THSD4: variants seen among roughly 807,000 people sequenced by gnomAD.
The protein encoded by THSD4 is thrombospondin type-1 domain-containing protein 4.
THSD4 carries 69 observed loss-of-function variants against 119.0 expected under a neutral mutation model. The observed-to-expected ratio is 0.58, with a 90% CI of 0.48 to 0.71. The LOEUF (loss-of-function observed/expected upper bound fraction) is 0.71. Among genes scored for constraint, THSD4 ranks in the 30% least tolerant of loss-of-function variants. THSD4 has a pLI of 0.00. For synonymous variants in THSD4, 524 were observed against 540.4 expected, an observed-to-expected ratio of 0.97 and a Z score of 0.42; for missense variants, 1,393 against 1,391.1, an observed-to-expected ratio of 1.00 and a Z score of -0.02.
chr15:71,728,304 C>T (rs961315838), intron 8 of THSD4, among the ~76,000 whole-genome samples: 3 of 152,168 alleles, frequency 2.0e-5, no homozygotes, highest in East Asian at 1.9e-4. Context: ...AACCAGCCCC[C>T]ACCCTACATT....
At position 71,719,719 on chromosome 15, in the gene THSD4, G is replaced by A. The variant is rs141481566; in HGVS notation, c.1358-8830G>A. 3.7e-3 allele frequency among the ~76,000 whole-genome samples: 558 copies of A among 152,190 alleles called. 14 individuals carry two copies. The highest frequency in any genetic ancestry group is 0.031 in the Admixed American group (478 of 15,286). On this transcript the variant is annotated intron_variant, in intron 8 of 17. Coordinates refer to ENST00000261862, the MANE Select transcript of THSD4 (RefSeq NM_024817.3). ...GAGACAAGGTCTCACTCCGTCTCCC[G>A]GGCTGGAGTACGGTGGCACGATCTC...
chr15:71,611,472 T>C (rs1345031014), intron 7 of THSD4, among the ~76,000 whole-genome samples: 1 of 152,238 alleles, frequency 6.6e-6, no homozygotes, highest in Non-Finnish European at 1.5e-5. Flanking sequence ...GCAACCCCTG[T>C]GCCCATTCAC....
chr15:71,097,320 T>A (rs1192432657), intron 1 of THSD4, among the ~76,000 whole-genome samples: 1 of 152,110 alleles, frequency 6.6e-6, no homozygotes, highest in Non-Finnish European at 1.5e-5. Flanking sequence ...ATACCAGCAC[T>A]TTGGGAGGCT....
rs118058345 is a variant in THSD4, at chr15:71,752,053, G to T, written c.2415+3459G>T. Among the ~76,000 whole-genome samples the T allele has an allele frequency of 5.7e-3, 865 of 152,284 alleles. 16 individuals are homozygous for T. Among genetic ancestry groups the T allele is most frequent in the Admixed American group, 0.036 (552 of 15,300 alleles). On this transcript the variant is annotated intron_variant, in intron 14 of 17. Coordinates refer to ENST00000261862, the MANE Select transcript of THSD4 (RefSeq NM_024817.3). Reference sequence around the variant, plus strand: ...CGGTGTAGTCTTCCAAGCAGCAACTGAGAGCGCTTTTACAGTCATTTTGTT... The same window carrying T: ...CGGTGTAGTCTTCCAAGCAGCAACTTAGAGCGCTTTTACAGTCATTTTGTT...
At chr15:71,549,124 A>C (rs913890165) in intron 7 of THSD4, among the ~76,000 whole-genome samples, 1 of 152,214 alleles carries the variant, frequency 6.6e-6, no homozygotes, top group South Asian at 2.1e-4. Context: ...AGGCTCACCC[A>C]AATCTTGGTG....
intron 16 of THSD4, 90 bp from the exon 17 acceptor site, chr15:71,770,974 T>A (rs934896808): frequency 3.7e-5 from 56 of 1,525,742 alleles, no homozygotes; most frequent in Non-Finnish European, 4.7e-5. Context: ...CTTTTGGAAA[T>A]GTTTGAGATT....
At chr15:71,132,216 T>G (rs556452636) in intron 1 of THSD4, among the ~76,000 whole-genome samples, 1 of 152,346 alleles carries the variant, frequency 6.6e-6, no homozygotes, top group South Asian at 2.1e-4. Context: ...AATGATTTCA[T>G]TTTTTAGGAA....
intron 6 of THSD4, among the ~76,000 whole-genome samples, chr15:71,386,370 A>C (rs2046293174): frequency 6.6e-6 from 1 of 152,186 alleles, no homozygotes; most frequent in African/African-American, 2.4e-5. Flanking sequence ...GACTAACATA[A>C]GGATGTACAA....
intron 7 of THSD4, among the ~76,000 whole-genome samples, chr15:71,459,340 CTCTCTG>C (rs1175009311): frequency 2.8e-5 from 4 of 144,860 alleles, no homozygotes; most frequent in African/African-American, 5.0e-5. Flanking sequence ...CTCTCTCTGT[CTCTCTG>C]TCTCTCTCTC....
intron 7 of THSD4, among the ~76,000 whole-genome samples, chr15:71,475,832 C>T (rs1295107768): frequency 6.6e-6 from 1 of 152,070 alleles, no homozygotes; most frequent in Non-Finnish European, 1.5e-5. Flanking sequence ...AAAGCTGAGG[C>T]AAGAGGATTG....
At chr15:71,194,218 T>C (rs2043700782) in intron 3 of THSD4, among the ~76,000 whole-genome samples, 1 of 152,238 alleles carries the variant, frequency 6.6e-6, no homozygotes, top group South Asian at 2.1e-4. Context: ...AAAGGACTAA[T>C]GCAGTTGGTG....
intron 8 of THSD4, among the ~76,000 whole-genome samples, chr15:71,685,145 T>G (rs2141038622): frequency 6.6e-6 from 1 of 152,184 alleles, no homozygotes; most frequent in East Asian, 1.9e-4. Flanking sequence ...ATGTGTGTTT[T>G]TCTTTCTTGA....
At position 71,510,023 on chromosome 15, in the gene THSD4, G is replaced by C. The variant is rs115439175; in HGVS notation, c.1152+98200G>C. 7.8e-3 allele frequency among the ~76,000 whole-genome samples: 1,193 copies of C among 152,328 alleles called. 21 individuals are homozygous for C. The highest frequency in any genetic ancestry group is 0.027 in the African/African-American group (1,131 of 41,586). On this transcript the variant is annotated intron_variant, in intron 7 of 17. Coordinates refer to ENST00000261862, the MANE Select transcript of THSD4 (RefSeq NM_024817.3). Reference sequence around the variant, plus strand: ...CTAATATCCATATTGGCAGAAGTTAGAAGCTTTTCATGCTGGAACGAAGAG... The same window carrying C: ...CTAATATCCATATTGGCAGAAGTTACAAGCTTTTCATGCTGGAACGAAGAG...
chr15:71,300,084 G>A (rs1458213772), intron 6 of THSD4, among the ~76,000 whole-genome samples: 1 of 150,734 alleles, frequency 6.6e-6, no homozygotes, highest in Non-Finnish European at 1.5e-5. Flanking sequence ...TCAGGGTTTT[G>A]AGACTGCAGT....
chr15:71,205,767 C>T (rs1400924893), intron 3 of THSD4, among the ~76,000 whole-genome samples: 1 of 151,396 alleles, frequency 6.6e-6, no homozygotes, highest in East Asian at 1.9e-4. Flanking sequence ...ATGTCAGAGT[C>T]TAGATAGTTG....
chr15:71,492,620 C>T (rs1567006963), intron 7 of THSD4, among the ~76,000 whole-genome samples: 1 of 152,072 alleles, frequency 6.6e-6, no homozygotes, highest in South Asian at 2.1e-4. Context: ...AAAGCAAAAC[C>T]GCTGAGGACC....
intron 6 of THSD4, among the ~76,000 whole-genome samples, chr15:71,268,136 C>T (rs1050186157): frequency 6.6e-6 from 1 of 152,150 alleles, no homozygotes; most frequent in Non-Finnish European, 1.5e-5. Context: ...GAACTCTCCA[C>T]CCCAAATTAA....
chr15:71,140,619 C>G (rs1056991545), intron 1 of THSD4, among the ~76,000 whole-genome samples: 2 of 152,208 alleles, frequency 1.3e-5, no homozygotes, highest in African/African-American at 4.8e-5. Context: ...CAGCCACAGT[C>G]TAAGCATGTC....
chr15:71,365,040 C>T (rs947852949), intron 6 of THSD4, among the ~76,000 whole-genome samples: 5 of 151,866 alleles, frequency 3.3e-5, no homozygotes, highest in Non-Finnish European at 5.9e-5. Context: ...CTGAGTTTCT[C>T]TTTTCCAGAG....
Sources: allele counts gnomAD v4.1 joint callset (sites outside exome capture counted in the v4.1 genomes callset), GRCh38; gene constraint gnomAD v4.1.1; transcripts MANE v1.5; gene names NCBI Gene and HGNC (gene_info 2026-07-23, HGNC 2026-07-21).